The following COG6 variants were observed in gnomAD, a reference collection of about 807,000 sequenced individuals.
COG6 encodes the protein component of oligomeric golgi complex 6.
In COG6, 74 loss-of-function variants were observed where a neutral mutation model predicts 88.8. The ratio of observed to expected loss-of-function variants is 0.83; its 90% confidence interval spans 0.69 to 1.01. COG6 has a LOEUF of 1.01. COG6 is among the 50% of genes least tolerant of loss of function. The pLI is 0.00. For synonymous variants in COG6, 286 were observed against 278.7 expected, an observed-to-expected ratio of 1.03 and a Z score of -0.26; for missense variants, 800 against 797.9, an observed-to-expected ratio of 1.00 and a Z score of -0.03.
chr13:39,722,938 T>G (rs368970858), intron 15 of COG6, among the ~76,000 whole-genome samples: 22 of 152,226 alleles, frequency 1.4e-4, no homozygotes, highest in African/African-American at 4.8e-4. Flanking sequence ...ATATTTGATT[T>G]GTTAAGTCAG....
chr13:39,674,681 T>A (rs1027804867), intron 4 of COG6, among the ~76,000 whole-genome samples: 1 of 152,144 alleles, frequency 6.6e-6, no homozygotes, highest in African/African-American at 2.4e-5. Flanking sequence ...AATAAGCAAT[T>A]TGTAAGCTTT....
chr13:39,762,201 T>C (rs1881036990), intron 18 of COG6, among the ~76,000 whole-genome samples: 2 of 151,920 alleles, frequency 1.3e-5, no homozygotes, highest in Admixed American at 6.6e-5. Flanking sequence ...AACAAAATTA[T>C]CTCATTTGTG....
intron 18 of COG6, among the ~76,000 whole-genome samples, chr13:39,749,878 A>G (rs1593472315): frequency 6.6e-6 from 1 of 152,178 alleles, no homozygotes; most frequent in Non-Finnish European, 1.5e-5. Context: ...TGAAAGCCCC[A>G]GGTAAGAGAG....
chr13:39,706,241 ATATATATACTCCTT>A (rs1438379538), intron 13 of COG6, among the ~76,000 whole-genome samples: 13 of 124,160 alleles, frequency 1.0e-4, no homozygotes, highest in African/African-American at 1.7e-4. Flanking sequence ...TCCTTTATAT[ATATATATACTCCTT>A]TATATATATA....
Position 39,774,320 on chromosome 13 carries a change from CAGA to C in COG6, c.1827-14010_1827-14008del, listed in dbSNP as rs542269112. Among the ~76,000 whole-genome samples, 26 of 152,208 alleles carry C rather than the reference CAGA, an allele frequency of 1.7e-4. No individual in the cohort carries two copies. In the South Asian group the frequency reaches 5.0e-3, roughly 29 times the overall value. On this transcript the variant is annotated intron_variant, in intron 18 of 18. Transcript: ENST00000416691. ...TTAGGCCAGTTGTTTCTGGTATTTA[CAGA>C]AGAATATAAGATATTTATTAAACAT...
chr13:39,746,745 A>G (rs1880372228), intron 18 of COG6, among the ~76,000 whole-genome samples: 1 of 152,192 alleles, frequency 6.6e-6, no homozygotes, highest in South Asian at 2.1e-4. Flanking sequence ...TATACTTTTT[A>G]AGATAAAGGA....
At chr13:39,699,251 G>C (rs970201498) in intron 12 of COG6, among the ~76,000 whole-genome samples, 6 of 151,538 alleles carry the variant, frequency 4.0e-5, no homozygotes, top group Non-Finnish European at 8.9e-5. Context: ...TCTGACCCAC[G>C]GTTTTGCTAA....
At chr13:39,782,239 C>T (rs952758401) in intron 18 of COG6, among the ~76,000 whole-genome samples, 3 of 152,152 alleles carry the variant, frequency 2.0e-5, no homozygotes, top group African/African-American at 7.2e-5. Context: ...TGCTTCCAGC[C>T]AATATGGAGT....
In COG6 at chr13:39,751,657, C is replaced by A; in HGVS notation, c.*564C>A. 1 of 1,286,906 alleles carries A rather than the reference C, an allele frequency of 7.8e-7. No homozygotes were observed. The highest frequency in any genetic ancestry group is 1.0e-6 in the Non-Finnish European group (1 of 988,486). 79.7% of individuals were successfully genotyped at this position (1,286,906 alleles called of 1,614,324 possible). A position where few individuals can be genotyped will look rare whatever the true frequency, so the allele number is the denominator to read the frequency against. Reference sequence around the variant, plus strand: ...GCTCCTGGTGTATATGGCAGTGAATCTCCTTTCTGTTCTACTTTAGCATAC... The same window carrying A: ...GCTCCTGGTGTATATGGCAGTGAATATCCTTTCTGTTCTACTTTAGCATAC... On this transcript the variant is annotated 3_prime_UTR_variant, in exon 19 of 19. Coordinates refer to ENST00000455146, the MANE Select transcript of COG6 (RefSeq NM_020751.3).
Position 39,660,809 on chromosome 13 carries a change from G to A in COG6, c.298-1G>A, listed in dbSNP as rs75701196. On this transcript the variant is annotated splice_acceptor_variant, in intron 2 of 18. Coordinates refer to ENST00000455146, the MANE Select transcript of COG6 (RefSeq NM_020751.3). LOFTEE classifies it high-confidence loss of function. Reference sequence around the variant, plus strand: ...TTTGATGTTACTTTTCTTCTTTTCAGGAACTTGAAAGCATAAGCGAAGATG... The same window carrying A: ...TTTGATGTTACTTTTCTTCTTTTCAAGAACTTGAAAGCATAAGCGAAGATG... 2.4e-5 allele frequency: 38 copies of A among 1,598,294 alleles called. No individual in the cohort carries two copies. In the Admixed American group the frequency reaches 4.7e-4, roughly 20 times the overall value.
Position 39,682,192 on chromosome 13 carries a change from A to G in COG6, c.716A>G (p.Gln239Arg), listed in dbSNP as rs1876354434. The G allele has an allele frequency of 6.2e-7, 1 of 1,611,608 alleles. No individual in the cohort carries two copies. The highest frequency in any genetic ancestry group is 8.5e-7 in the Non-Finnish European group (1 of 1,177,816). ...WAQSECRTLT[Q>R]ESCDVSPVLT... is the part of the protein sequence containing the mutation. ...TCAGGTGAATGCAGAACATTGACAC[A>G]AGAATCATGTGACGTATCTCCAGTA... The change falls in exon 8 of 19, where the codon CAA becomes CGA. Residue 239 changes from glutamine (Q) to arginine (R), a missense_variant. By Grantham distance (43) the Gln-to-Arg change is conservative (BLOSUM62 1). Coordinates refer to ENST00000455146, the MANE Select transcript of COG6 (RefSeq NM_020751.3).
rs371188986 is a variant in COG6 at position 39,741,327 on chromosome 13, T to C, written c.1827-9619T>C. The stretch of plus-strand genomic sequence containing the variant: ...ACTTCTCTGAGCTAAAGGAGGATGT[T>C]CGAACCCATTGCAAGGAAGCTAAAA... On this transcript the variant is annotated intron_variant, in intron 18 of 18. Coordinates refer to ENST00000455146, the MANE Select transcript of COG6 (RefSeq NM_020751.3). Among the ~76,000 whole-genome samples, 3 of 152,092 alleles carry C rather than the reference T, an allele frequency of 2.0e-5. No individual in the cohort carries two copies. The East Asian group carries it at 5.8e-4, about 29-fold the overall frequency.
chr13:39,765,990 T>C (rs1881152309), intron 18 of COG6, among the ~76,000 whole-genome samples: 1 of 152,238 alleles, frequency 6.6e-6, no homozygotes, highest in African/African-American at 2.4e-5. Flanking sequence ...AACCCAACCC[T>C]TGGCTCACTT....
chr13:39,744,738 G>C (rs1880244225), intron 18 of COG6, among the ~76,000 whole-genome samples: 1 of 151,134 alleles, frequency 6.6e-6, no homozygotes, highest in Non-Finnish European at 1.5e-5. Context: ...CTTTCGAATT[G>C]GAAAAAAAAC....
At chr13:39,699,270 G>C (rs1288465120) in intron 12 of COG6, among the ~76,000 whole-genome samples, 1 of 151,748 alleles carries the variant, frequency 6.6e-6, no homozygotes, top group Non-Finnish European at 1.5e-5. Flanking sequence ...AAAAGAGATT[G>C]TGAAATATTG....
chr13:39,759,267 G>A (rs929425503), intron 18 of COG6, among the ~76,000 whole-genome samples: 1 of 152,094 alleles, frequency 6.6e-6, no homozygotes, highest in Non-Finnish European at 1.5e-5. Context: ...ATTAAAACAG[G>A]CCTGTTCTCA....
At chr13:39,704,037 GC>G (rs1877739840) in intron 13 of COG6, among the ~76,000 whole-genome samples, 2 of 151,880 alleles carry the variant, frequency 1.3e-5, no homozygotes. Flanking sequence ...CCTGGCCCTA[GC>G]CCTGGTTTCA....
At chr13:39,755,081 TC>T (rs2138155663), downstream of COG6, among the ~76,000 whole-genome samples, 1 of 152,228 alleles carries the variant, frequency 6.6e-6, no homozygotes, top group South Asian at 2.1e-4. Context: ...TTTTGTCCCT[TC>T]ATAAAGGTAG....
chr13:39,676,112 A>T (rs551904461), intron 4 of COG6, among the ~76,000 whole-genome samples: 1 of 152,242 alleles, frequency 6.6e-6, no homozygotes, highest in Admixed American at 6.5e-5. Flanking sequence ...AGTTTGTAAT[A>T]GAACAGTAGA....
Sources: allele counts gnomAD v4.1 joint callset (sites outside exome capture counted in the v4.1 genomes callset), GRCh38; gene constraint gnomAD v4.1.1; transcripts MANE v1.5; gene names NCBI Gene and HGNC (gene_info 2026-07-23, HGNC 2026-07-21).